The following ANKRD12 variants were observed in gnomAD, a reference collection of about 807,000 sequenced individuals.
The protein encoded by ANKRD12 is ankyrin repeat domain-containing protein 12.
In ANKRD12, 85 loss-of-function variants were observed where a neutral mutation model predicts 183.4. The observed-to-expected ratio is 0.46, with a 90% CI of 0.39 to 0.56. The LOEUF (loss-of-function observed/expected upper bound fraction) is 0.56, where lower values mean the gene tolerates loss of function less well. Ranked by LOEUF, ANKRD12 falls within the 20% of genes least tolerant of loss-of-function variation. ANKRD12 has a pLI of 0.00. For synonymous variants in ANKRD12, 914 were observed against 800.2 expected (o/e 1.14, Z -2.40); for missense variants, 2,405 against 2,357.1 (o/e 1.02, Z -0.42).
At chr18:9,175,021 C>G (rs570864705) in intron 1 of ANKRD12, among the ~76,000 whole-genome samples, 1 of 152,084 alleles carries the variant, frequency 6.6e-6, no homozygotes, top group South Asian at 2.1e-4. Context: ...GTGGTGTGAT[C>G]TCGACTCACT....
intron 6 of ANKRD12, among the ~76,000 whole-genome samples, chr18:9,216,549 G>T (rs1285031719): frequency 6.6e-6 from 1 of 152,126 alleles, no homozygotes; most frequent in Admixed American, 6.5e-5. Context: ...CCTTCACCTT[G>T]TTCAAGGGTC....
At chr18:9,203,211 T>C (rs2144531872) in intron 3 of ANKRD12, among the ~76,000 whole-genome samples, 1 of 152,360 alleles carries the variant, frequency 6.6e-6, no homozygotes. Flanking sequence ...CTGTTTACTT[T>C]AGAGTTGGTC....
chr18:9,138,476 G>T (rs1310428014), intron 1 of ANKRD12, among the ~76,000 whole-genome samples: 3 of 152,160 alleles, frequency 2.0e-5, no homozygotes, highest in Non-Finnish European at 4.4e-5. Context: ...TCGTGCCACT[G>T]CACTCCAGCC....
At chr18:9,230,000 T>C (rs1466113533) in intron 8 of ANKRD12, among the ~76,000 whole-genome samples, 1 of 152,122 alleles carries the variant, frequency 6.6e-6, no homozygotes, top group Non-Finnish European at 1.5e-5. Flanking sequence ...TTAGGGAGAA[T>C]CCCCTCCTCT....
intron 1 of ANKRD12, among the ~76,000 whole-genome samples, chr18:9,176,333 C>T (rs2033264816): frequency 6.6e-6 from 1 of 151,866 alleles, no homozygotes; most frequent in African/African-American, 2.4e-5. Flanking sequence ...GCTCTGTTGC[C>T]CAGGCCAGAG....
intron 8 of ANKRD12, among the ~76,000 whole-genome samples, chr18:9,232,536 T>G (rs2037112137): frequency 6.6e-6 from 1 of 151,936 alleles, no homozygotes; most frequent in African/African-American, 2.4e-5. Flanking sequence ...TACTTTTCTC[T>G]TAGTGTTTTA....
intron 10 of ANKRD12, among the ~76,000 whole-genome samples, chr18:9,267,365 TTGGAA>T (rs2039353557): frequency 6.6e-6 from 1 of 152,124 alleles, no homozygotes; most frequent in African/African-American, 2.4e-5. Context: ...GACCACATAG[TTGGAA>T]GTAAAGCACT....
chr18:9,153,244 C>G (rs1437148860), intron 1 of ANKRD12, among the ~76,000 whole-genome samples: 1 of 152,196 alleles, frequency 6.6e-6, no homozygotes, highest in African/African-American at 2.4e-5. Flanking sequence ...TTCGTTAACC[C>G]TCAGGTATAG....
chr18:9,263,829 CT>C lies in ANKRD12; in HGVS notation c.5709del (p.Arg1904AspfsTer6). ...TTCACTGTCAGATCCACTTAAAGAG[CT>C]TTTTCGACAACAGGAAGTTGTAAGG... ...PPSLSDPLKE[L>X]FRQQEVVRMK... On this transcript the variant is annotated frameshift_variant, in exon 10 of 13. Transcript: ENST00000262126. LOFTEE classifies it high-confidence loss of function. The C allele has an allele frequency of 6.4e-7, 1 of 1,569,172 alleles. No individual in the cohort carries two copies. The highest frequency in any genetic ancestry group is 1.1e-5 in the South Asian group (1 of 87,264).
intron 1 of ANKRD12, among the ~76,000 whole-genome samples, chr18:9,150,851 C>T (rs993932605): frequency 6.6e-6 from 1 of 152,062 alleles, no homozygotes; most frequent in Non-Finnish European, 1.5e-5. Flanking sequence ...GACAGGGTTT[C>T]ACCATATTAG....
At chr18:9,279,927 A>C (rs753524297) in intron 12 of ANKRD12, among the ~76,000 whole-genome samples, 1 of 152,196 alleles carries the variant, frequency 6.6e-6, no homozygotes, top group Non-Finnish European at 1.5e-5. Flanking sequence ...ATAACGAAAG[A>C]ATAGGAGAAT....
In ANKRD12 at chr18:9,233,662, G is replaced by A. The variant is rs536922257; in HGVS notation, c.943+11663G>A. On this transcript the variant is annotated intron_variant, in intron 8 of 12. Transcript: ENST00000262126. ...GGTGCGCGTGATAGTGCAGTGTAAT[G>A]TGTATGATTTCTTTGGCTATAAACA... Among the ~76,000 whole-genome samples the A allele has an allele frequency of 9.8e-5, 15 of 152,310 alleles. No individual in the cohort carries two copies. The South Asian group carries it at 3.1e-3, about 32-fold the overall frequency.
At chr18:9,238,952 T>A (rs2037503241) in intron 8 of ANKRD12, among the ~76,000 whole-genome samples, 1 of 152,124 alleles carries the variant, frequency 6.6e-6, no homozygotes, top group African/African-American at 2.4e-5. Flanking sequence ...TGAAACCCCA[T>A]CTTTACAGAA....
At chr18:9,145,084 T>C (rs1248747867) in intron 1 of ANKRD12, among the ~76,000 whole-genome samples, 2 of 152,204 alleles carry the variant, frequency 1.3e-5, no homozygotes, top group African/African-American at 4.8e-5. Context: ...TTTTCCAGTT[T>C]TACCACAATG....
chr18:9,214,917 T>G (rs981003203), intron 6 of ANKRD12, among the ~76,000 whole-genome samples: 1 of 152,106 alleles, frequency 6.6e-6, no homozygotes, highest in African/African-American at 2.4e-5. Flanking sequence ...TAGATTAGAT[T>G]GAAGAAAACA....
Position 9,258,318 on chromosome 18 carries a change from A to G in ANKRD12, c.5051A>G (p.Asp1684Gly), listed in dbSNP as rs1200307955. Residue 1684 changes from aspartate to glycine, a missense_variant, in exon 9 of 13, where the codon GAT (aspartate) becomes GGT (glycine). By Grantham distance (94) the Asp-to-Gly change is moderately conservative. Around this residue, in one of 7 missense-constraint regions of ANKRD12, gnomAD observed 1,983 missense variants for 1,725.9 expected, o/e 1.15. Coordinates refer to ENST00000262126, the MANE Select transcript of ANKRD12 (RefSeq NM_015208.5). ...GAAAAGTGTTTGCTTTCCATAGAAGATGAGGAATCTCAACAAAGCATTTTA... is the reference window on the plus strand; with the variant it reads ...GAAAAGTGTTTGCTTTCCATAGAAGGTGAGGAATCTCAACAAAGCATTTTA... ...ESEKCLLSIE[D>G]EESQQSILSS... 2.5e-6 allele frequency: 4 copies of G among 1,613,798 alleles called. No individual in the cohort carries two copies. Among genetic ancestry groups the G allele is most frequent in the Non-Finnish European group, 3.4e-6 (4 of 1,179,950 alleles).
rs2034730349 is a variant in ANKRD12 at position 9,195,524 on chromosome 18, A to G, written c.88-27A>G. The G allele has an allele frequency of 2.6e-6, 4 of 1,543,750 alleles. No homozygotes were observed. The East Asian group carries it at 9.4e-5, about 36-fold the overall frequency. ...GTATTGCTTAGCTAATATTGATATA[A>G]CTTTACTCTATTTGACTTTTTAATA... On this transcript the variant is annotated intron_variant, in intron 2 of 12. Coordinates refer to ENST00000262126, the MANE Select transcript of ANKRD12 (RefSeq NM_015208.5).
chr18:9,200,836 C>T (rs1292112503), intron 3 of ANKRD12, among the ~76,000 whole-genome samples: 4 of 152,164 alleles, frequency 2.6e-5, no homozygotes, highest in African/African-American at 9.7e-5. Flanking sequence ...ATAGGCAGTA[C>T]AGGGTTGGCA....
chr18:9,205,864 T>C (rs1431363659), intron 4 of ANKRD12, among the ~76,000 whole-genome samples: 1 of 152,130 alleles, frequency 6.6e-6, no homozygotes, highest in Non-Finnish European at 1.5e-5. Flanking sequence ...TGGGAAGATG[T>C]TGTATTCTTT....
Sources: gnomAD v4.1 joint callset for allele counts (sites outside exome capture counted in the v4.1 genomes callset) on GRCh38, gnomAD v4.1.1 for gene constraint, gnomAD v4.1.1 regional missense constraint, MANE v1.5 for transcripts, NCBI Gene and HGNC (gene_info 2026-07-23, HGNC 2026-07-21) for gene names.